DNAH7: variants seen among roughly 807,000 people sequenced by gnomAD.
The protein encoded by DNAH7 is dynein axonemal heavy chain 7.
In DNAH7, 397 loss-of-function variants were observed where a neutral mutation model predicts 444.6. The ratio of observed to expected loss-of-function variants is 0.89; its 90% CI spans 0.82 to 0.97. The LOEUF (loss-of-function observed/expected upper bound fraction) is 0.97. Among genes scored for constraint, DNAH7 ranks in the 50% least tolerant of loss-of-function variants. The pLI, the probability that DNAH7 is intolerant of heterozygous loss-of-function variation, is 0.00. For missense variants in DNAH7, 4,902 were observed against 4,800.8 expected (o/e 1.02, Z -0.62); for synonymous variants, 1,636 against 1,624.4 (o/e 1.01, Z -0.17).
chr2:195,858,659 T>G lies in DNAH7; in HGVS notation c.7882A>C (p.Ile2628Leu), dbSNP rs1574586236. 6.2e-7 allele frequency: 1 copy of G among 1,614,038 alleles called. No individual in the cohort carries two copies. The highest frequency in any genetic ancestry group is 1.3e-5 in the African/African-American group (1 of 75,024). Residue 2628 changes from isoleucine to leucine, a missense_variant, in exon 43 of 65, where the codon ATA (isoleucine) becomes CTA (leucine). Coordinates refer to ENST00000312428, the MANE Select transcript of DNAH7 (RefSeq NM_018897.3). Reference protein sequence around the residue: ...VASKEVDEMMIMIEKESVEVA... With the variant: ...VASKEVDEMMLMIEKESVEVA... Reference sequence around the variant, plus strand: ...TCTACAGACTCTTTCTCAATCATTATCATCATTTCATCAACCTCTTTGCTA... The same window carrying G: ...TCTACAGACTCTTTCTCAATCATTAGCATCATTTCATCAACCTCTTTGCTA...
chr2:196,063,130 C>T (rs956753537), intron 1 of DNAH7, among the ~76,000 whole-genome samples: 3 of 152,212 alleles, frequency 2.0e-5, no homozygotes, highest in Non-Finnish European at 4.4e-5. Flanking sequence ...GATCCACCCA[C>T]CTCAGCCTCC....
At chr2:195,966,155 A>G (rs1691462054) in intron 17 of DNAH7, among the ~76,000 whole-genome samples, 1 of 151,664 alleles carries the variant, frequency 6.6e-6, no homozygotes, top group Admixed American at 6.6e-5. Flanking sequence ...TTGTGTTTCC[A>G]TTATCATTTG....
At chr2:195,964,336 T>C (rs1691316456) in intron 17 of DNAH7, among the ~76,000 whole-genome samples, 1 of 152,172 alleles carries the variant, frequency 6.6e-6, no homozygotes, top group Admixed American at 6.5e-5. Flanking sequence ...TTTTATACTT[T>C]TCATTGTAGA....
chr2:196,058,132 G>T lies in DNAH7; in HGVS notation c.16-16C>A. 6.4e-7 allele frequency: 1 copy of T among 1,564,688 alleles called. No homozygotes were observed. The highest frequency in any genetic ancestry group is 2.3e-5 in the East Asian group (1 of 43,942). ...CCGATTTATCCTGTATGAAAAACAT[G>T]AAAAAACAAAACTGTTTACTCCGTT... On this transcript the variant is annotated splice_polypyrimidine_tract_variant and intron_variant, in intron 1 of 64. Coordinates refer to ENST00000312428, the MANE Select transcript of DNAH7 (RefSeq NM_018897.3).
At chr2:195,927,900 A>G (rs1412101106) in intron 21 of DNAH7, among the ~76,000 whole-genome samples, 1 of 152,098 alleles carries the variant, frequency 6.6e-6, no homozygotes, top group African/African-American at 2.4e-5. Context: ...ATACAGGAAG[A>G]TTTTTAAAAG....
chr2:195,754,149 C>G (rs1488812298), intron 63 of DNAH7, among the ~76,000 whole-genome samples, 188 bp downstream of exon 63: 1 of 152,184 alleles, frequency 6.6e-6, no homozygotes, highest in Non-Finnish European at 1.5e-5. Context: ...CTCACCCCTT[C>G]TCTTTCTCTC....
chr2:195,785,243 T>C (rs1695562202), intron 58 of DNAH7, among the ~76,000 whole-genome samples: 1 of 152,176 alleles, frequency 6.6e-6, no homozygotes, highest in South Asian at 2.1e-4. Context: ...TTTGTTTCCT[T>C]ATTGTTGAGT....
At chr2:195,780,960 T>C (rs1266279641) in intron 58 of DNAH7, among the ~76,000 whole-genome samples, 2 of 151,820 alleles carry the variant, frequency 1.3e-5, no homozygotes, top group African/African-American at 4.8e-5. Flanking sequence ...GTAGTAGTGA[T>C]TAGAGAGGGG....
chr2:195,866,469 C>A (rs1258624531), intron 40 of DNAH7, among the ~76,000 whole-genome samples: 1 of 152,120 alleles, frequency 6.6e-6, no homozygotes, highest in African/African-American at 2.4e-5. Flanking sequence ...ATGCCAATGG[C>A]CAATCTTTGA....
At chr2:196,007,328 G>A (rs1454761617) in intron 10 of DNAH7, among the ~76,000 whole-genome samples, 1 of 152,170 alleles carries the variant, frequency 6.6e-6, no homozygotes, top group Non-Finnish European at 1.5e-5. Flanking sequence ...TCACTCAGAA[G>A]AGTCTTGCAC....
At chr2:195,873,129 A>T (rs1041862352) in intron 39 of DNAH7, among the ~76,000 whole-genome samples, 1 of 152,218 alleles carries the variant, frequency 6.6e-6, no homozygotes, top group African/African-American at 2.4e-5. Flanking sequence ...GCACACAGAC[A>T]GACTTCCCCT....
chr2:195,869,615 T>A (rs1700559095), intron 40 of DNAH7, among the ~76,000 whole-genome samples: 1 of 152,092 alleles, frequency 6.6e-6, no homozygotes, highest in South Asian at 2.1e-4. Context: ...AAGAAGAATT[T>A]GATCAAAGGC....
At chr2:196,000,648 C>A (rs999277061) in intron 12 of DNAH7, 56 bp downstream of exon 12, 122 of 1,341,264 alleles carry the variant, frequency 9.1e-5, no homozygotes, top group Non-Finnish European at 1.1e-4. Context: ...TCAGAAGTTA[C>A]TTGAAGTGAA....
chr2:195,851,634 T>C (rs1699368450), intron 46 of DNAH7, among the ~76,000 whole-genome samples: 2 of 152,148 alleles, frequency 1.3e-5, no homozygotes, highest in Non-Finnish European at 1.5e-5. Context: ...GAAGAGGCAG[T>C]CCCTTGGACT....
intron 5 of DNAH7, among the ~76,000 whole-genome samples, chr2:196,036,278 T>A (rs951835187): frequency 7.9e-5 from 12 of 151,976 alleles, no homozygotes; most frequent in Non-Finnish European, 1.2e-4. Context: ...AGGTGATCTG[T>A]CCACCTCAGC....
intron 47 of DNAH7, among the ~76,000 whole-genome samples, chr2:195,839,218 A>T (rs1056650376): frequency 1.3e-5 from 2 of 151,864 alleles, no homozygotes; most frequent in African/African-American, 4.8e-5. Flanking sequence ...TAACAAAAAA[A>T]TACCCTAAAA....
intron 8 of DNAH7, among the ~76,000 whole-genome samples, chr2:196,022,199 T>C (rs912534126): frequency 1.1e-4 from 17 of 152,182 alleles, no homozygotes; most frequent in Non-Finnish European, 2.9e-5. Flanking sequence ...CATCTGGGCC[T>C]TTTGCGAGTC....
chr2:195,858,656 T>C lies in DNAH7; in HGVS notation c.7885A>G (p.Met2629Val). 2 of 1,614,032 alleles carry C rather than the reference T, an allele frequency of 1.2e-6. No homozygotes were observed. The highest frequency in any genetic ancestry group is 1.7e-6 in the Non-Finnish European group (2 of 1,179,912). The part of the protein sequence containing the change: ...ASKEVDEMMI[M>V]IEKESVEVAK... ...ACTTCTACAGACTCTTTCTCAATCA[T>C]TATCATCATTTCATCAACCTCTTTG... The change falls in exon 43 of 65, where the codon ATG becomes GTG. Residue 2629 changes from methionine (M) to valine (V), a missense_variant. Transcript: ENST00000312428.
intron 10 of DNAH7, among the ~76,000 whole-genome samples, chr2:196,007,924 CATAA>C (rs1420660671): frequency 6.6e-6 from 1 of 152,094 alleles, no homozygotes; most frequent in African/African-American, 2.4e-5. Context: ...AAAGAAAAAA[CATAA>C]ATGAGACTTC....
Sources: gnomAD v4.1 joint callset for allele counts (sites outside exome capture counted in the v4.1 genomes callset) on GRCh38, gnomAD v4.1.1 for gene constraint, MANE v1.5 for transcripts, NCBI Gene and HGNC (gene_info 2026-07-23, HGNC 2026-07-21) for gene names.